Variants in TMEM132D observed in about 807,000 individuals in gnomAD.
TMEM132D encodes the protein mature OL transmembrane protein.
In TMEM132D, 21 loss-of-function variants were observed where a neutral mutation model predicts 62.3. The ratio of observed to expected loss-of-function variants is 0.34; its 90% confidence interval spans 0.24 to 0.49. The LOEUF (loss-of-function observed/expected upper bound fraction) is 0.49, where lower values mean the gene tolerates loss of function less well. Among genes scored for constraint, TMEM132D ranks in the 20% least tolerant of loss-of-function variants. The pLI is 0.99. For missense variants in TMEM132D, 1,346 were observed against 1,402.8 expected (o/e 0.96, Z 0.65); for synonymous variants, 621 against 575.6 (o/e 1.08, Z -1.13).
rs146430011 is a variant in TMEM132D at position 129,313,266 on chromosome 12, T to C, written c.1299+24368A>G. ...GATTTGTGAGATTTTGGTGCACCCA[T>C]CACCCAAGCAGTATACACTGCACCA... On this transcript the variant is annotated intron_variant, in intron 4 of 8. Transcript: ENST00000422113. Among the ~76,000 whole-genome samples, 94 of 152,274 alleles carry C rather than the reference T, an allele frequency of 6.2e-4. 1 individual carries two copies. The East Asian group carries it at 0.017, about 27-fold the overall frequency.
chr12:129,533,375 G>A (rs11060407), intron 2 of TMEM132D, among the ~76,000 whole-genome samples: 32,661 of 152,072 alleles, frequency 0.21, 3,740 homozygotes, highest in East Asian at 0.41. Flanking sequence ...ATGTGGTAGC[G>A]AACAAAAGTA....
intron 4 of TMEM132D, among the ~76,000 whole-genome samples, chr12:129,260,209 G>T (rs571587583): frequency 3.3e-5 from 5 of 152,298 alleles, no homozygotes; most frequent in South Asian, 2.1e-4. Context: ...AACAGCAAGC[G>T]AGTAGGGTGA....
At chr12:129,349,645 C>A (rs1267726023) in intron 3 of TMEM132D, among the ~76,000 whole-genome samples, 1 of 152,210 alleles carries the variant, frequency 6.6e-6, no homozygotes, top group African/African-American at 2.4e-5. Context: ...AAGGCCTGTT[C>A]AGCACACGGG....
intron 5 of TMEM132D, among the ~76,000 whole-genome samples, chr12:129,193,211 C>G (rs1270952414): frequency 1.3e-5 from 2 of 151,388 alleles, no homozygotes; most frequent in Non-Finnish European, 2.9e-5. Context: ...TACATGCACT[C>G]TGTATGTGAT....
At chr12:129,708,081 G>A in intron 1 of TMEM132D, among the ~76,000 whole-genome samples, 1 of 152,104 alleles carries the variant, frequency 6.6e-6, no homozygotes, top group East Asian at 1.9e-4. Flanking sequence ...GCTGGGCGTG[G>A]TGGCATGCAC....
At chr12:129,831,963 G>A (rs1872852381) in intron 1 of TMEM132D, among the ~76,000 whole-genome samples, 1 of 141,462 alleles carries the variant, frequency 7.1e-6, no homozygotes, top group African/African-American at 2.6e-5. Flanking sequence ...TCCACCTCCC[G>A]GGTTCCAGAG....
intron 1 of TMEM132D, among the ~76,000 whole-genome samples, chr12:129,755,529 G>A (rs1263278717): frequency 6.6e-6 from 1 of 152,132 alleles, no homozygotes; most frequent in African/African-American, 2.4e-5. Context: ...GCTCATCAGG[G>A]TCTGGTGGTT....
At chr12:129,194,455 G>A (rs898092405) in intron 5 of TMEM132D, among the ~76,000 whole-genome samples, 9 of 152,150 alleles carry the variant, frequency 5.9e-5, no homozygotes, top group African/African-American at 1.4e-4. Flanking sequence ...GGGGGTCTAC[G>A]TGAGGGTGGA....
chr12:129,301,099 T>C (rs1449918546), intron 4 of TMEM132D, among the ~76,000 whole-genome samples: 1 of 152,168 alleles, frequency 6.6e-6, no homozygotes, highest in Non-Finnish European at 1.5e-5. Flanking sequence ...GGGTTTAGGA[T>C]GCAAACACTT....
chr12:129,166,946 T>C (rs1265499663), intron 5 of TMEM132D, among the ~76,000 whole-genome samples: 2 of 151,898 alleles, frequency 1.3e-5, no homozygotes, highest in African/African-American at 4.8e-5. Flanking sequence ...GGCAGATCAC[T>C]TGAGGTCACG....
chr12:129,746,110 A>G (rs1869768250), intron 1 of TMEM132D, among the ~76,000 whole-genome samples: 2 of 152,236 alleles, frequency 1.3e-5, no homozygotes, highest in Non-Finnish European at 2.9e-5. Context: ...CTTTGCAGGT[A>G]GAGAAGCAAC....
intron 4 of TMEM132D, among the ~76,000 whole-genome samples, chr12:129,286,655 G>C (rs1304012809): frequency 2.0e-5 from 3 of 152,228 alleles, no homozygotes; most frequent in African/African-American, 7.2e-5. Context: ...TCAGGAATGT[G>C]AGCAAGGCTT....
At chr12:129,347,480 T>C (rs191142159) in intron 3 of TMEM132D, among the ~76,000 whole-genome samples, 33 of 152,286 alleles carry the variant, frequency 2.2e-4, no homozygotes, top group African/African-American at 7.2e-4. Context: ...ATTTAATAAA[T>C]GGTGCTGGGA....
chr12:129,778,817 G>T (rs1871029480), intron 1 of TMEM132D, among the ~76,000 whole-genome samples: 1 of 151,932 alleles, frequency 6.6e-6, no homozygotes, highest in Admixed American at 6.6e-5. Flanking sequence ...TGGGAGGGAG[G>T]TATTCTTCTA....
intron 1 of TMEM132D, among the ~76,000 whole-genome samples, chr12:129,734,593 A>G (rs1283807390): frequency 6.6e-6 from 1 of 152,228 alleles, no homozygotes; most frequent in Non-Finnish European, 1.5e-5. Flanking sequence ...TTCAACCAAA[A>G]GCAAGTTTGC....
At chr12:129,404,708 T>C (rs1391780473) in intron 3 of TMEM132D, among the ~76,000 whole-genome samples, 2 of 152,000 alleles carry the variant, frequency 1.3e-5, no homozygotes, top group Admixed American at 6.6e-5. Flanking sequence ...CATACTCTTT[T>C]AAACAACCAG....
intron 3 of TMEM132D, among the ~76,000 whole-genome samples, chr12:129,522,213 TG>T (rs1348371114): frequency 7.2e-5 from 11 of 152,162 alleles, no homozygotes; most frequent in African/African-American, 2.4e-4. Flanking sequence ...AGAAGAAAGT[TG>T]CTTTTAGAAA....
intron 2 of TMEM132D, among the ~76,000 whole-genome samples, chr12:129,585,405 G>T (rs571038025): frequency 7.7e-4 from 117 of 152,334 alleles, no homozygotes; most frequent in African/African-American, 2.7e-3. Flanking sequence ...CTGCAGAGAA[G>T]ATCAGCAATT....
chr12:129,854,290 G>A (rs1032555776), intron 1 of TMEM132D, among the ~76,000 whole-genome samples: 2 of 152,052 alleles, frequency 1.3e-5, no homozygotes, highest in Non-Finnish European at 2.9e-5. Context: ...TTCTCACCCC[G>A]GCCTCTGAGG....
Sources: allele counts gnomAD v4.1 joint callset (sites outside exome capture counted in the v4.1 genomes callset), GRCh38; gene constraint gnomAD v4.1.1; transcripts MANE v1.5; gene names NCBI Gene and HGNC (gene_info 2026-07-23, HGNC 2026-07-21).